AP1S3: variants seen among roughly 807,000 people sequenced by gnomAD.
AP1S3 encodes the protein AP-1 complex subunit sigma-3.
In AP1S3, 10 loss-of-function variants were observed where a neutral mutation model predicts 20.9. The observed-to-expected ratio is 0.48, with a 90% CI of 0.29 to 0.81. The LOEUF (loss-of-function observed/expected upper bound fraction) is 0.81. Among genes scored for constraint, AP1S3 ranks in the 30% least tolerant of loss-of-function variants. AP1S3 has a pLI of 0.08. For synonymous variants in AP1S3, 41 were observed against 61.5 expected (o/e 0.67, Z 1.56); for missense variants, 154 against 183.8 (o/e 0.84, Z 0.94).
chr2:223,817,060 G>C (rs1691859909), intron 1 of AP1S3, among the ~76,000 whole-genome samples: 2 of 152,158 alleles, frequency 1.3e-5, no homozygotes, highest in Admixed American at 1.3e-4. Flanking sequence ...GGGAGACGGA[G>C]GTTGCAGTGA....
chr2:223,835,080 G>C (rs1257469137), intron 1 of AP1S3, among the ~76,000 whole-genome samples: 1 of 151,492 alleles, frequency 6.6e-6, no homozygotes, highest in Non-Finnish European at 1.5e-5. Context: ...TGACCTTGCA[G>C]ACCTCCAGTA....
intron 1 of AP1S3, among the ~76,000 whole-genome samples, chr2:223,788,352 C>T (rs567650633): frequency 3.9e-5 from 6 of 152,166 alleles, no homozygotes; most frequent in Admixed American, 3.9e-4. Context: ...GTGGCTCACG[C>T]CTGTAATCCC....
At chr2:223,778,710 C>T (rs2894515) in intron 1 of AP1S3, among the ~76,000 whole-genome samples, 40,962 of 144,940 alleles carry the variant, frequency 0.28, 8,728 homozygotes, top group African/African-American at 0.58. Flanking sequence ...TTTTTTTTTT[C>T]TTTTGAGACA....
At chr2:223,767,627 A>G (rs1690514685) in intron 3 of AP1S3, among the ~76,000 whole-genome samples, 1 of 151,808 alleles carries the variant, frequency 6.6e-6, no homozygotes, top group Non-Finnish European at 1.5e-5. Flanking sequence ...ACAAACCTAG[A>G]TGACTAGCCC....
Position 223,777,719 on chromosome 2 carries a change from A to G in AP1S3, c.154T>C (p.Trp52Arg), listed in dbSNP as rs1268855299. 6.2e-7 allele frequency: 1 copy of G among 1,613,494 alleles called. No individual in the cohort carries two copies. The highest frequency in any genetic ancestry group is 8.5e-7 in the Non-Finnish European group (1 of 1,179,890). ...TTATAAACAAGTTTTAGCTCCTTCC[A>G]GTCAACAAAACTGCTTGTCCTGTGA... ...RGHRTSSFVD[W>R]KELKLVYKRY... Residue 52 changes from tryptophan (W) to arginine (R), a missense_variant, in exon 2 of 5, where the codon TGG (tryptophan) becomes CGG (arginine). By Grantham distance (101) the Trp-to-Arg change is moderately radical. Transcript: ENST00000396654.
chr2:223,774,722 A>G (rs1690722514), intron 3 of AP1S3, among the ~76,000 whole-genome samples: 1 of 152,320 alleles, frequency 6.6e-6, no homozygotes, highest in South Asian at 2.1e-4. Flanking sequence ...GAATAGACAG[A>G]GGCAGATTCT....
chr2:223,802,269 G>A (rs151224371), intron 1 of AP1S3, among the ~76,000 whole-genome samples: 2,173 of 152,010 alleles, frequency 0.014, 23 homozygotes, highest in Middle Eastern at 0.031. Flanking sequence ...TATCTGCTGG[G>A]CTTTCTTCCT....
intron 1 of AP1S3, among the ~76,000 whole-genome samples, chr2:223,788,604 A>G (rs541264486): frequency 2.0e-5 from 3 of 150,948 alleles, no homozygotes; most frequent in Admixed American, 2.0e-4. Flanking sequence ...ATACAAAAAA[A>G]AAAAAAAAAA....
At chr2:223,809,152 T>C (rs1389778372) in intron 1 of AP1S3, among the ~76,000 whole-genome samples, 3 of 152,232 alleles carry the variant, frequency 2.0e-5, no homozygotes, top group Non-Finnish European at 4.4e-5. Context: ...TGCACAAAAC[T>C]TCTCTCCAGG....
chr2:223,778,922 C>T (rs1394922014), intron 1 of AP1S3, among the ~76,000 whole-genome samples: 1 of 152,114 alleles, frequency 6.6e-6, no homozygotes, highest in Non-Finnish European at 1.5e-5. Context: ...TGGTCTCAAA[C>T]TCCTAGTCTC....
At chr2:223,773,426 T>G in intron 3 of AP1S3, 1 of 1,254,654 alleles carries the variant, frequency 8.0e-7, no homozygotes, top group Admixed American at 2.8e-5. Context: ...AATAATATGT[T>G]TGAAAACATG....
At chr2:223,815,675 A>C (rs975573674) in intron 1 of AP1S3, among the ~76,000 whole-genome samples, 3 of 152,236 alleles carry the variant, frequency 2.0e-5, no homozygotes, top group Admixed American at 2.0e-4. Context: ...GTTCTTATGC[A>C]TACAGTACTC....
At chr2:223,787,900 C>G (rs1257435785) in intron 1 of AP1S3, among the ~76,000 whole-genome samples, 1 of 152,180 alleles carries the variant, frequency 6.6e-6, no homozygotes, top group Non-Finnish European at 1.5e-5. Context: ...GCAGGGGCTG[C>G]TGACACTGTC....
At chr2:223,780,298 TATATATATATAGAG>T (rs1458509271) in intron 1 of AP1S3, among the ~76,000 whole-genome samples, 31 of 53,514 alleles carry the variant, frequency 5.8e-4, no homozygotes, top group Middle Eastern at 9.1e-3. Context: ...TATATATATA[TATATATATATAGAG>T]AGAGAGAGAG....
At position 223,765,358 on chromosome 2, in the gene AP1S3, G is replaced by A; in HGVS notation, c.292-8C>T. 1 of 1,595,914 alleles carries A rather than the reference G, an allele frequency of 6.3e-7. No individual in the cohort carries two copies. The highest frequency in any genetic ancestry group is 8.5e-7 in the Non-Finnish European group (1 of 1,173,748). On this transcript the variant is annotated splice_region_variant and splice_polypyrimidine_tract_variant and intron_variant, in intron 3 of 4. Coordinates refer to ENST00000396654, the MANE Select transcript of AP1S3 (RefSeq NM_001039569.2). ...AATATCCAGCTCACAGACCTGGTGG[G>A]ACAAAAACAAACGTTTTGATAAACT...
intron 1 of AP1S3, among the ~76,000 whole-genome samples, chr2:223,829,850 A>C (rs1374366361): frequency 1.5e-5 from 2 of 133,460 alleles, no homozygotes; most frequent in Admixed American, 1.5e-4. Flanking sequence ...AAAAAACAAA[A>C]AAAAAACAAA....
At chr2:223,832,184 T>TGTGTGTGTGTGTG (rs1574736206) in intron 1 of AP1S3, among the ~76,000 whole-genome samples, 2 of 139,650 alleles carry the variant, frequency 1.4e-5, no homozygotes, top group East Asian at 2.1e-4. Context: ...TGTGTGTGTG[T>TGTGTGTGTGTGTG]TGGAAAGGGG....
chr2:223,818,559 T>TC (rs1691912017), intron 1 of AP1S3, among the ~76,000 whole-genome samples: 1 of 151,480 alleles, frequency 6.6e-6, no homozygotes. Context: ...TAGCAAATTT[T>TC]CTTTTTTTTT....
At chr2:223,790,965 C>T (rs1268501357) in intron 1 of AP1S3, among the ~76,000 whole-genome samples, 1 of 152,130 alleles carries the variant, frequency 6.6e-6, no homozygotes, top group Admixed American at 6.5e-5. Context: ...CAAGACTGAA[C>T]AAGAAAGAAA....
Sources: allele counts gnomAD v4.1 joint callset (sites outside exome capture counted in the v4.1 genomes callset), GRCh38; gene constraint gnomAD v4.1.1; transcripts MANE v1.5; gene names NCBI Gene and HGNC (gene_info 2026-07-23, HGNC 2026-07-21).